Variants in TSPAN7 observed in about 807,000 individuals in gnomAD.
TSPAN7 encodes the protein tetraspanin-7.
A neutral mutation model predicts 17.6 loss-of-function variants in TSPAN7; 1 was observed. The ratio of observed to expected loss-of-function variants is 0.06; its 90% CI spans 0.02 to 0.27. The LOEUF is 0.27. TSPAN7 is among the 10% of genes least tolerant of loss of function. The pLI is 1.00. For synonymous variants in TSPAN7, 78 were observed against 79.0 expected, an observed-to-expected ratio of 0.99 and a Z score of 0.07; for missense variants, 112 against 201.7, an observed-to-expected ratio of 0.56 and a Z score of 2.69.
At chrX:38,617,772 T>C (rs1436775795) in intron 1 of TSPAN7, among the ~76,000 whole-genome samples, 1 of 111,976 alleles carries the variant, frequency 8.9e-6, no homozygotes, top group African/African-American at 3.3e-5. Flanking sequence ...GCCTCTCTTC[T>C]GATTTAGGGA....
chrX:38,631,325 G>A (rs911865367), intron 1 of TSPAN7, among the ~76,000 whole-genome samples: 2 of 109,910 alleles, frequency 1.8e-5, no homozygotes, highest in African/African-American at 6.6e-5. Context: ...AATAAACATG[G>A]CCTCTGCCAA....
At chrX:38,567,275 A>G (rs1306133768) in intron 1 of TSPAN7, among the ~76,000 whole-genome samples, 1 of 112,487 alleles carries the variant, frequency 8.9e-6, no homozygotes, top group African/African-American at 3.2e-5. Context: ...TAATTGACTC[A>G]CAGTTCCACA....
At chrX:38,600,102 A>G (rs2069337839) in intron 1 of TSPAN7, among the ~76,000 whole-genome samples, 1 of 111,921 alleles carries the variant, frequency 8.9e-6, no homozygotes, top group Non-Finnish European at 1.9e-5. Flanking sequence ...ATCTGAGAAG[A>G]AAATCTCTTT....
chrX:38,677,023 A>G (rs1177963908), intron 5 of TSPAN7, among the ~76,000 whole-genome samples: 7 of 112,038 alleles, frequency 6.2e-5, no homozygotes, highest in Non-Finnish European at 1.1e-4. Flanking sequence ...GATATTTGAT[A>G]TAACAGAGCT....
chrX:38,675,918 T>A (rs778781253), intron 5 of TSPAN7, 58 bp downstream of exon 5: 23 of 1,132,830 alleles, frequency 2.0e-5, no homozygotes, highest in Non-Finnish European at 2.8e-5. Context: ...GGGGGCTTTT[T>A]TATTTCCATG....
At chrX:38,630,251 G>A (rs2069542807) in intron 1 of TSPAN7, among the ~76,000 whole-genome samples, 1 of 112,170 alleles carries the variant, frequency 8.9e-6, no homozygotes, top group South Asian at 3.7e-4. Flanking sequence ...ATTGCCAAAT[G>A]TGTAATTGTT....
chrX:38,593,448 G>C (rs1452428208), intron 1 of TSPAN7, among the ~76,000 whole-genome samples: 1 of 111,485 alleles, frequency 9.0e-6, no homozygotes, highest in East Asian at 2.8e-4. Context: ...CCTAGCAACA[G>C]CTAGGAAATA....
chrX:38,627,196 A>C (rs1313467636), intron 1 of TSPAN7, among the ~76,000 whole-genome samples: 1 of 111,821 alleles, frequency 8.9e-6, no homozygotes, highest in African/African-American at 3.3e-5. Flanking sequence ...AATTTATCAC[A>C]CATTGGGAAA....
intron 5 of TSPAN7, among the ~76,000 whole-genome samples, chrX:38,676,423 G>A (rs1459981931): frequency 9.0e-6 from 1 of 111,691 alleles, no homozygotes; most frequent in African/African-American, 3.3e-5. Flanking sequence ...AAATTTAAAA[G>A]TTAGTACATA....
chrX:38,684,503 G>A (rs1053081143), intron 6 of TSPAN7, among the ~76,000 whole-genome samples: 8 of 111,146 alleles, frequency 7.2e-5, no homozygotes, highest in Non-Finnish European at 1.1e-4. Flanking sequence ...GAGCATGCAC[G>A]CACATCACCC....
chrX:38,626,048 C>A (rs1043970004), intron 1 of TSPAN7, among the ~76,000 whole-genome samples: 1 of 112,402 alleles, frequency 8.9e-6, no homozygotes, highest in African/African-American at 3.2e-5. Context: ...ACTGCTATTT[C>A]TTCAGTGCTT....
At chrX:38,618,555 G>A (rs930678297) in intron 1 of TSPAN7, among the ~76,000 whole-genome samples, 1 of 111,441 alleles carries the variant, frequency 9.0e-6, no homozygotes, top group Non-Finnish European at 1.9e-5. Context: ...GAGAGAGTGG[G>A]AGAGTAAGGA....
intron 1 of TSPAN7, among the ~76,000 whole-genome samples, chrX:38,617,456 C>T (rs1335578258): frequency 8.9e-6 from 1 of 112,588 alleles, no homozygotes; most frequent in Non-Finnish European, 1.9e-5. Context: ...AACCAGACAA[C>T]GACAGAGTTT....
chrX:38,652,518 T>C (rs2069680864), intron 1 of TSPAN7, among the ~76,000 whole-genome samples: 1 of 112,615 alleles, frequency 8.9e-6, no homozygotes, highest in Admixed American at 9.4e-5. Context: ...TCTGTTTCCC[T>C]ATAACTTTCC....
rs185246341 is a variant in TSPAN7 at position 38,606,368 on chromosome X, A to C, written c.81+44741A>C. Among the ~76,000 whole-genome samples the C allele has an allele frequency of 2.7e-5, 3 of 112,243 alleles. No individual in the cohort carries two copies. The East Asian group carries it at 8.4e-4, about 31-fold the overall frequency. The stretch of plus-strand genomic sequence containing the variant: ...CATTAATATATTTTATGTAACATTA[A>C]GTGGAGACTAGAGTTACAAAGAGGC... On this transcript the variant is annotated intron_variant, in intron 1 of 7. Transcript: ENST00000378482.
chrX:38,644,873 C>T (rs1327356577), intron 1 of TSPAN7, among the ~76,000 whole-genome samples: 1 of 112,136 alleles, frequency 8.9e-6, no homozygotes, highest in East Asian at 2.8e-4. Context: ...ATCATTGACT[C>T]CCTCTTACAG....
chrX:38,642,912 C>G (rs1453205354), intron 1 of TSPAN7, among the ~76,000 whole-genome samples: 1 of 111,211 alleles, frequency 9.0e-6, no homozygotes, highest in Non-Finnish European at 1.9e-5. Flanking sequence ...GAGTTCCTAG[C>G]CCATGGCAGT....
At chrX:38,572,739 A>T (rs1231788418) in intron 1 of TSPAN7, among the ~76,000 whole-genome samples, 1 of 111,617 alleles carries the variant, frequency 9.0e-6, no homozygotes, top group East Asian at 2.8e-4. Flanking sequence ...CCAAAGCTTG[A>T]TAAGACTGTG....
intron 1 of TSPAN7, among the ~76,000 whole-genome samples, chrX:38,641,363 A>C (rs2069610945): frequency 8.9e-6 from 1 of 112,183 alleles, no homozygotes; most frequent in African/African-American, 3.2e-5. Context: ...GTTGTTCTTA[A>C]CTGCTGAACC....
Sources: allele counts gnomAD v4.1 joint callset (sites outside exome capture counted in the v4.1 genomes callset), GRCh38; gene constraint gnomAD v4.1.1; transcripts MANE v1.5; gene names NCBI Gene and HGNC (gene_info 2026-07-23, HGNC 2026-07-21).